ONECUT1: variants seen among roughly 807,000 people sequenced by gnomAD.
ONECUT1 encodes the protein hepatocyte nuclear factor 6.
In ONECUT1, 12 loss-of-function variants were observed where a neutral mutation model predicts 25.6. The observed-to-expected ratio is 0.47, with a 90% CI of 0.30 to 0.76. The LOEUF (loss-of-function observed/expected upper bound fraction) is 0.76. ONECUT1 is among the 30% of genes least tolerant of loss of function. The pLI, the probability that ONECUT1 is intolerant of heterozygous loss-of-function variation, is 0.07. For synonymous variants in ONECUT1, 285 were observed against 270.2 expected (o/e 1.05, Z -0.54); for missense variants, 620 against 651.2 (o/e 0.95, Z 0.52).
At chr15:52,764,354 G>A (rs759045120) in intron 1 of ONECUT1, among the ~76,000 whole-genome samples, 4 of 152,094 alleles carry the variant, frequency 2.6e-5, no homozygotes, top group Non-Finnish European at 4.4e-5. Flanking sequence ...GAAATTTGGG[G>A]GACACATTCA....
chr15:52,790,306 G>A lies in ONECUT1; in HGVS notation c.-422C>T, dbSNP rs1183139166. ...GCGTCTGCTGCCTGCCCGCCCCGCTGGCCAGCTTGAGCCATGGCTCTGTTA... is the reference window on the plus strand; with the variant it reads ...GCGTCTGCTGCCTGCCCGCCCCGCTAGCCAGCTTGAGCCATGGCTCTGTTA... On this transcript the variant is annotated 5_prime_UTR_variant, in exon 1 of 2. It introduces an in-frame stop codon into an upstream open reading frame of the 5' UTR. Transcript: ENST00000305901. 6.6e-6 allele frequency among the ~76,000 whole-genome samples: 1 copy of A among 151,412 alleles called. No homozygotes were observed. The highest frequency in any genetic ancestry group is 1.5e-5 in the Non-Finnish European group (1 of 67,744).
intron 1 of ONECUT1, among the ~76,000 whole-genome samples, chr15:52,766,030 G>A (rs1409644250): frequency 6.6e-6 from 1 of 152,218 alleles, no homozygotes; most frequent in Non-Finnish European, 1.5e-5. Context: ...CTGTGTCTCT[G>A]TGAGTAGCCA....
chr15:52,767,227 G>A (rs181192204), intron 1 of ONECUT1, among the ~76,000 whole-genome samples: 13 of 152,038 alleles, frequency 8.6e-5, no homozygotes, highest in Non-Finnish European at 1.3e-4. Flanking sequence ...TACACCTCCC[G>A]CTCCTCTGCA....
intron 1 of ONECUT1, chr15:52,781,196 CCCA>C (rs1297667216): frequency 6.6e-6 from 1 of 152,534 alleles, no homozygotes; most frequent in Non-Finnish European, 1.5e-5. Flanking sequence ...ATGGACCAGC[CCCA>C]CCCACAGGCA....
Position 52,784,611 on chromosome 15 carries a change from T to C in ONECUT1, c.1105+4169A>G, listed in dbSNP as rs1465679833. On this transcript the variant is annotated intron_variant, in intron 1 of 1. Transcript: ENST00000305901. The surrounding 1 kb of genome is among the most constrained non-coding windows in gnomAD (Gnocchi z 5.0). The stretch of plus-strand genomic sequence containing the variant: ...CTCTCCTCACCCGGGTTTATGCCCG[T>C]TACACAGAGAGAACTACACAGGGGG... Among the ~76,000 whole-genome samples the C allele has an allele frequency of 2.6e-5, 4 of 151,862 alleles. No homozygotes were observed. Among genetic ancestry groups the C allele is most frequent in the Admixed American group, 1.3e-4 (2 of 15,276 alleles).
intron 1 of ONECUT1, among the ~76,000 whole-genome samples, chr15:52,761,924 G>A (rs888794671): frequency 3.3e-5 from 5 of 152,194 alleles, no homozygotes; most frequent in Admixed American, 6.5e-5. Context: ...GTGTTTGCTG[G>A]ACATTCTGTT....
At chr15:52,772,187 G>T (rs1011135113) in intron 1 of ONECUT1, among the ~76,000 whole-genome samples, 8 of 152,148 alleles carry the variant, frequency 5.3e-5, no homozygotes, top group Non-Finnish European at 1.0e-4. Flanking sequence ...GAGGTCAGGA[G>T]ATCGAGACCA....
At position 52,769,351 on chromosome 15, in the gene ONECUT1, T is replaced by A. The variant is rs116302412; in HGVS notation, c.1106-11504A>T. On this transcript the variant is annotated intron_variant, in intron 1 of 1. Transcript: ENST00000305901. ...AAGTTGGATGTGGCTCCATAGAAAA[T>A]AGAGATGCAAGAGACACAAGTCTTT... Among the ~76,000 whole-genome samples the A allele has an allele frequency of 9.0e-3, 1,371 of 152,196 alleles. 25 individuals are homozygous for A. The highest frequency in any genetic ancestry group is 0.032 in the African/African-American group (1,337 of 41,514).
chr15:52,774,590 G>A (rs1223573084), intron 1 of ONECUT1, among the ~76,000 whole-genome samples: 1 of 152,044 alleles, frequency 6.6e-6, no homozygotes, highest in African/African-American at 2.4e-5. Context: ...GTGAGCCACC[G>A]CACCTGGCCA....
At position 52,762,003 on chromosome 15, in the gene ONECUT1, T is replaced by C. The variant is rs1257756112; in HGVS notation, c.1106-4156A>G. On this transcript the variant is annotated intron_variant, in intron 1 of 1. Coordinates refer to ENST00000305901, the MANE Select transcript of ONECUT1 (RefSeq NM_004498.4). ...TGGGATCTGGAGTTCAGGGGAGAGA[T>C]CTGGGCTAGAAATATAGACTTGGAA... 3.3e-5 allele frequency among the ~76,000 whole-genome samples: 5 copies of C among 152,212 alleles called. No individual in the cohort carries two copies. The East Asian group carries it at 7.7e-4, about 24-fold the overall frequency.
rs766763828 is a variant in ONECUT1 at position 52,789,168 on chromosome 15, G to T, written c.717C>A (p.Ala239=). 7 of 1,587,960 alleles carry T rather than the reference G, an allele frequency of 4.4e-6. No individual in the cohort carries two copies. The Admixed American group carries it at 5.1e-5, about 11-fold the overall frequency. The change falls in exon 1 of 2, where the codon GCC becomes GCA. Residue 239 remains alanine (A), a synonymous_variant. Transcript: ENST00000305901. The surrounding 1 kb of genome is among the most constrained non-coding windows in gnomAD (Gnocchi z 4.1). Reference sequence around the variant, plus strand: ...GAAGGCCGTTGATGGGCACCATGCCGGCCGAGGTGGGCGTGAGGTGCTGCT... The same window carrying T: ...GAAGGCCGTTGATGGGCACCATGCCTGCCGAGGTGGGCGTGAGGTGCTGCT... ...HGEQHLTPTS[A]GMVPINGLPP...
In ONECUT1 at chr15:52,789,655, T is replaced by G. The variant is rs61735386; in HGVS notation, c.230A>C (p.His77Pro). 9 of 1,541,852 alleles carry G rather than the reference T, an allele frequency of 5.8e-6. No individual in the cohort carries two copies. The highest frequency in any genetic ancestry group is 1.4e-5 in the African/African-American group (1 of 72,166). ...GGGATGCAGGGGGCCGGCCAGGCTG[T>G]GCTCAGGGGCCCGGTGGTGGTGGTG... is the stretch of plus-strand genomic sequence containing the variant. ...DYHHHHRAPEHSLAGPLHPTM... is the reference protein window; with the variant it reads ...DYHHHHRAPEPSLAGPLHPTM... Residue 77 changes from histidine (H) to proline (P), a missense_variant, in exon 1 of 2, where the codon CAC becomes CCC. Physicochemically the swap from His to Pro is moderately conservative, Grantham distance 77. Coordinates refer to ENST00000305901, the MANE Select transcript of ONECUT1 (RefSeq NM_004498.4). This position sits in a 1 kb window ranked among gnomAD's most constrained non-coding sequence, Gnocchi z 4.1.
chr15:52,783,731 C>T (rs946073853), intron 1 of ONECUT1, among the ~76,000 whole-genome samples: 1 of 152,260 alleles, frequency 6.6e-6, no homozygotes, highest in Admixed American at 6.5e-5. Context: ...GCCAGGGTCA[C>T]CTTCTCTACG....
intron 1 of ONECUT1, among the ~76,000 whole-genome samples, chr15:52,777,739 A>AAAAAAAAAAAAAAAAAAAAAAAAAAG (rs2083812922): frequency 8.6e-6 from 1 of 116,060 alleles, no homozygotes; most frequent in Admixed American, 7.5e-5. Context: ...CACACACACA[A>AAAAAAAAAAAAAAAAAAAAAAAAAAG]AAAAACATGT....
chr15:52,769,856 G>A (rs80226844), intron 1 of ONECUT1, among the ~76,000 whole-genome samples: 428 of 152,260 alleles, frequency 2.8e-3, no homozygotes, highest in African/African-American at 9.8e-3. Flanking sequence ...CCTTAGAGAG[G>A]AGATAAGGAT....
In ONECUT1 at chr15:52,789,008, T is replaced by C; in HGVS notation, c.877A>G (p.Asn293Asp). 6.2e-6 allele frequency: 10 copies of C among 1,609,686 alleles called. No homozygotes were observed. The highest frequency in any genetic ancestry group is 8.5e-6 in the Non-Finnish European group (10 of 1,180,022). Reference sequence around the variant, plus strand: ...ATACGCTGCGCCACCTCTTTGGTATTGATCTCTTCCATCTGCCCTGAATTA... The same window carrying C: ...ATACGCTGCGCCACCTCTTTGGTATCGATCTCTTCCATCTGCCCTGAATTA... ...GSNSGQMEEINTKEVAQRITT... is the reference protein window; with the variant it reads ...GSNSGQMEEIDTKEVAQRITT... The change falls in exon 1 of 2, where the codon AAT (asparagine) becomes GAT (aspartate). Residue 293 changes from asparagine (N) to aspartate (D), a missense_variant. Coordinates refer to ENST00000305901, the MANE Select transcript of ONECUT1 (RefSeq NM_004498.4). This position sits in a 1 kb window ranked among gnomAD's most constrained non-coding sequence, Gnocchi z 4.1.
intron 1 of ONECUT1, among the ~76,000 whole-genome samples, chr15:52,760,148 A>G (rs972913671): frequency 6.6e-6 from 1 of 152,168 alleles, no homozygotes; most frequent in African/African-American, 2.4e-5. Context: ...GTCACTTGCT[A>G]TGCCTCTTGC....
intron 1 of ONECUT1, chr15:52,780,635 C>A: frequency 6.5e-7 from 1 of 1,535,372 alleles, no homozygotes; most frequent in South Asian, 1.2e-5. Context: ...ATACTCGAAT[C>A]GCTTTAGCCA....
chr15:52,774,692 T>TA (rs1202707230), intron 1 of ONECUT1, among the ~76,000 whole-genome samples: 4 of 152,176 alleles, frequency 2.6e-5, no homozygotes, highest in African/African-American at 7.2e-5. Context: ...AAACAAATGT[T>TA]AAAAAAAATT....
Sources: allele counts gnomAD v4.1 joint callset (sites outside exome capture counted in the v4.1 genomes callset), GRCh38; gene constraint gnomAD v4.1.1; non-coding constraint Gnocchi (gnomAD v3.1); transcripts MANE v1.5; gene names NCBI Gene and HGNC (gene_info 2026-07-23, HGNC 2026-07-21).